Variants in NAE1 observed in about 807,000 individuals in gnomAD.
NAE1 encodes NEDD8 activating enzyme E1 subunit 1, also known as NEDD8-activating enzyme E1 regulatory subunit.
NAE1 carries 59 observed loss-of-function variants against 88.0 expected under a neutral mutation model. The observed-to-expected ratio is 0.67, with a 90% CI of 0.54 to 0.83. NAE1 has a LOEUF of 0.83. NAE1 is among the 40% of genes least tolerant of loss of function. NAE1 has a pLI of 0.00. For missense variants in NAE1, 554 were observed against 632.8 expected, an observed-to-expected ratio of 0.88 and a Z score of 1.34; for synonymous variants, 186 against 208.9, an observed-to-expected ratio of 0.89 and a Z score of 0.95.
intron 13 of NAE1, 38 bp downstream of exon 13, chr16:66,813,526 G>T: frequency 6.4e-7 from 1 of 1,568,350 alleles, no homozygotes; most frequent in South Asian, 1.2e-5. Context: ...AATATAATCA[G>T]ACTTTTTCTA....
chr16:66,817,226 CATTT>C, intron 9 of NAE1, 195 bp downstream of exon 9: 1 of 897,748 alleles, frequency 1.1e-6, no homozygotes, highest in Non-Finnish European at 1.7e-6. Flanking sequence ...TTCATAATGA[CATTT>C]ATTGAATTTC....
intron 11 of NAE1, among the ~76,000 whole-genome samples, chr16:66,814,685 C>G (rs895243550): frequency 6.6e-6 from 1 of 151,900 alleles, no homozygotes; most frequent in East Asian, 1.9e-4. Flanking sequence ...TCAGTGGGAC[C>G]TCCTAACTGC....
Position 66,821,534 on chromosome 16 carries a change from G to A in NAE1, c.427C>T (p.Leu143Phe). Reference protein sequence around the residue: ...ESTSLRLADVLWNSQIPLLIC... With the variant: ...ESTSLRLADVFWNSQIPLLIC... ...AAAAGAGGAATCTGGGAATTCCAGA[G>A]GACATCTGCTAAGCGTAGTGAAGTG... Residue 143 changes from leucine (L) to phenylalanine (F), a missense_variant, in exon 7 of 20, where the codon CTC becomes TTC. By Grantham distance (22) the Leu-to-Phe change is conservative. Transcript: ENST00000290810. 3 of 1,601,504 alleles carry A rather than the reference G, an allele frequency of 1.9e-6. No individual in the cohort carries two copies. The highest frequency in any genetic ancestry group is 8.5e-7 in the Non-Finnish European group (1 of 1,175,378).
At chr16:66,821,668 T>C (rs1960267366) in intron 6 of NAE1, 109 bp from the exon 7 acceptor site, 7 of 907,524 alleles carry the variant, frequency 7.7e-6, no homozygotes, top group Non-Finnish European at 1.1e-5. Context: ...TACTAAATAA[T>C]AGATGCAAAG....
At chr16:66,819,788 A>G (rs1435480703) in intron 7 of NAE1, among the ~76,000 whole-genome samples, 3 of 152,178 alleles carry the variant, frequency 2.0e-5, no homozygotes, top group African/African-American at 7.2e-5. Flanking sequence ...AAGGTTTTGG[A>G]AAGAGTAAAT....
chr16:66,816,824 G>A, intron 10 of NAE1, 141 bp downstream of exon 10: 1 of 1,378,174 alleles, frequency 7.3e-7, no homozygotes, highest in Non-Finnish European at 9.8e-7. Context: ...ACAAGGCGTG[G>A]CTTCTTAACT....
At position 66,821,432 on chromosome 16, in the gene NAE1, T is replaced by C; in HGVS notation, c.511+18A>G. The C allele has an allele frequency of 6.5e-7, 1 of 1,544,168 alleles. No individual in the cohort carries two copies. Among genetic ancestry groups the C allele is most frequent in the East Asian group, 2.3e-5 (1 of 42,878 alleles). On this transcript the variant is annotated intron_variant, in intron 7 of 19. Coordinates refer to ENST00000290810, the MANE Select transcript of NAE1 (RefSeq NM_003905.4). ...GCTAAAGCAACCAATAGTAAGCCCATATGCTCAACAATTTTACCTGGATGT... is the reference window on the plus strand; with the variant it reads ...GCTAAAGCAACCAATAGTAAGCCCACATGCTCAACAATTTTACCTGGATGT...
In NAE1 at chr16:66,817,496, G is replaced by T; in HGVS notation, c.622-9C>A. Reference sequence around the variant, plus strand: ...GGAGTATGACTGTGGTCCTAAAAATGAGAGACAAATAAAAGAAAATATCAG... The same window carrying T: ...GGAGTATGACTGTGGTCCTAAAAATTAGAGACAAATAAAAGAAAATATCAG... On this transcript the variant is annotated splice_polypyrimidine_tract_variant and intron_variant, in intron 8 of 19. Transcript: ENST00000290810. 6.5e-7 allele frequency: 1 copy of T among 1,535,690 alleles called. No homozygotes were observed. Among genetic ancestry groups the T allele is most frequent in the Non-Finnish European group, 8.8e-7 (1 of 1,140,140 alleles).
intron 11 of NAE1, among the ~76,000 whole-genome samples, chr16:66,814,094 G>A (rs1193667630): frequency 6.6e-6 from 1 of 151,970 alleles, no homozygotes; most frequent in South Asian, 2.1e-4. Context: ...CCATAAATGG[G>A]GTAAAGAAGG....
chr16:66,817,129 C>A, intron 9 of NAE1, 101 bp from the exon 10 acceptor site: 1 of 1,399,258 alleles, frequency 7.1e-7, no homozygotes, highest in Non-Finnish European at 9.5e-7. Flanking sequence ...ATTTCATCAA[C>A]AAATATATTT....
At chr16:66,808,436 T>C in intron 17 of NAE1, 85 bp downstream of exon 17, 1 of 939,932 alleles carries the variant, frequency 1.1e-6, no homozygotes, top group Non-Finnish European at 1.6e-6. Flanking sequence ...CAAGCAACAC[T>C]ATTATAAATA....
intron 1 of NAE1, among the ~76,000 whole-genome samples, chr16:66,829,054 G>C (rs991746794): frequency 1.3e-5 from 2 of 151,596 alleles, no homozygotes; most frequent in African/African-American, 4.9e-5. Context: ...TAGGCCAAAT[G>C]AATCAGTCCT....
At chr16:66,822,673 T>A (rs983746273) in intron 6 of NAE1, among the ~76,000 whole-genome samples, 3 of 147,990 alleles carry the variant, frequency 2.0e-5, no homozygotes, top group Middle Eastern at 3.4e-3. Flanking sequence ...TTTATTTATT[T>A]ATTTTTTTTT....
At chr16:66,808,046 A>G (rs1007912084) in intron 17 of NAE1, among the ~76,000 whole-genome samples, 1 of 151,952 alleles carries the variant, frequency 6.6e-6, no homozygotes, top group East Asian at 1.9e-4. Flanking sequence ...GCACACCACC[A>G]TGTCTGGCTA....
chr16:66,812,752 C>T (rs532938178), intron 13 of NAE1, among the ~76,000 whole-genome samples: 6 of 151,592 alleles, frequency 4.0e-5, no homozygotes, highest in Non-Finnish European at 7.4e-5. Context: ...ATCTTCTGAC[C>T]TTGTGATCCA....
At chr16:66,829,644 G>C (rs529351388) in intron 1 of NAE1, among the ~76,000 whole-genome samples, 1 of 152,320 alleles carries the variant, frequency 6.6e-6, no homozygotes, top group East Asian at 1.9e-4. Context: ...CCAGGAAGGA[G>C]GAAAGCTGAG....
chr16:66,817,553 T>C (rs1221238426), intron 8 of NAE1, 66 bp from the exon 9 acceptor site: 2 of 989,920 alleles, frequency 2.0e-6, no homozygotes, highest in Non-Finnish European at 3.0e-6. Context: ...CCATCTCGTT[T>C]TCAACAAATT....
rs530808605 is a variant in NAE1 at position 66,810,688 on chromosome 16, G to A, written c.1110+9C>T. The stretch of plus-strand genomic sequence containing the variant: ...GGCCTGTATGGGCACAGTGTGCCCA[G>A]TAGCTTACCTGGCCAATGGACTGCA... On this transcript the variant is annotated intron_variant, in intron 14 of 19. Coordinates refer to ENST00000290810, the MANE Select transcript of NAE1 (RefSeq NM_003905.4). The A allele has an allele frequency of 6.2e-7, 1 of 1,613,248 alleles. No individual in the cohort carries two copies. The highest frequency in any genetic ancestry group is 2.2e-5 in the East Asian group (1 of 44,870).
chr16:66,808,944 AAATT>A lies in NAE1; in HGVS notation c.1237+41_1237+44del, dbSNP rs753489632. 53 of 1,289,630 alleles carry A rather than the reference AAATT, an allele frequency of 4.1e-5. No individual in the cohort carries two copies. The African/African-American group carries it at 6.6e-4, about 16-fold the overall frequency. The allele number at this position is 1,289,630 out of a possible 1,614,324, so 79.9% of individuals were successfully genotyped here. A position where few individuals can be genotyped will look rare whatever the true frequency, so the allele number is the denominator to read the frequency against. On this transcript the variant is annotated intron_variant, in intron 16 of 19. Coordinates refer to ENST00000290810, the MANE Select transcript of NAE1 (RefSeq NM_003905.4). ...TATACACAAAATATTTATATCTTTT[AAATT>A]AATTAAAATTAACCCAGAATCAGAA...
Sources: allele counts gnomAD v4.1 joint callset (sites outside exome capture counted in the v4.1 genomes callset), GRCh38; gene constraint gnomAD v4.1.1; transcripts MANE v1.5; gene names NCBI Gene and HGNC (gene_info 2026-07-23, HGNC 2026-07-21).